The following ANKS1B variants were observed in gnomAD, a reference collection of about 807,000 sequenced individuals.
ANKS1B encodes the protein ankyrin repeat and sterile alpha motif domain containing 1B.
ANKS1B carries 36 observed loss-of-function variants against 148.3 expected under a neutral mutation model. The ratio of observed to expected loss-of-function variants is 0.24; its 90% CI spans 0.19 to 0.32. The LOEUF is 0.32. Among genes scored for constraint, ANKS1B ranks in the 10% least tolerant of loss-of-function variants. ANKS1B has a pLI of 1.00. For synonymous variants in ANKS1B, 542 were observed against 560.8 expected, an observed-to-expected ratio of 0.97 and a Z score of 0.47; for missense variants, 1,157 against 1,542.6, an observed-to-expected ratio of 0.75 and a Z score of 4.19.
chr12:98,939,207 T>C (rs2099830272), intron 17 of ANKS1B, among the ~76,000 whole-genome samples: 1 of 152,236 alleles, frequency 6.6e-6, no homozygotes, highest in African/African-American at 2.4e-5. Flanking sequence ...TTAGTGCGTA[T>C]GTTGTCAACA....
chr12:98,908,873 T>G (rs993666827), intron 17 of ANKS1B, among the ~76,000 whole-genome samples: 12 of 152,324 alleles, frequency 7.9e-5, no homozygotes, highest in African/African-American at 2.9e-4. Context: ...AAACAAATTG[T>G]TTGGTTGGGT....
chr12:99,448,026 TAGAG>T (rs762636038), intron 10 of ANKS1B, among the ~76,000 whole-genome samples: 39 of 152,184 alleles, frequency 2.6e-4, no homozygotes, highest in Non-Finnish European at 4.0e-4. Flanking sequence ...GTACAGCCAT[TAGAG>T]AGAATAGTAT....
chr12:98,807,977 G>C, intron 19 of ANKS1B, 59 bp from the exon 20 acceptor site: 1 of 1,333,254 alleles, frequency 7.5e-7, no homozygotes, highest in Non-Finnish European at 1.1e-6. Context: ...CAGCTACCAA[G>C]GTAGCATCCA....
At chr12:99,717,106 A>C (rs796514829) in intron 8 of ANKS1B, among the ~76,000 whole-genome samples, 10 of 152,260 alleles carry the variant, frequency 6.6e-5, no homozygotes, top group African/African-American at 2.4e-4. Flanking sequence ...AGCCCAGTTC[A>C]TGGCTCGTTT....
chr12:99,275,241 AAATT>A (rs1438587392), intron 12 of ANKS1B, among the ~76,000 whole-genome samples: 2 of 152,186 alleles, frequency 1.3e-5, no homozygotes, highest in East Asian at 3.8e-4. Context: ...AATGTACGAT[AAATT>A]AATGTTGACT....
intron 19 of ANKS1B, among the ~76,000 whole-genome samples, chr12:98,825,941 C>T (rs1222077293): frequency 6.6e-6 from 1 of 152,174 alleles, no homozygotes; most frequent in Non-Finnish European, 1.5e-5. Flanking sequence ...AATGAGATAA[C>T]AGATGTCAAA....
chr12:99,611,530 A>T (rs1280882405), intron 9 of ANKS1B, among the ~76,000 whole-genome samples: 2 of 152,100 alleles, frequency 1.3e-5, no homozygotes, highest in Non-Finnish European at 2.9e-5. Flanking sequence ...AAAACACTGA[A>T]TCTGATAGCA....
chr12:99,211,242 C>T (rs2083303589), intron 14 of ANKS1B, among the ~76,000 whole-genome samples: 2 of 152,124 alleles, frequency 1.3e-5, no homozygotes, highest in Admixed American at 6.5e-5. Flanking sequence ...GCCCAACAGA[C>T]CCAATTAAAA....
chr12:99,805,393 G>A (rs1181067312), intron 4 of ANKS1B, among the ~76,000 whole-genome samples: 1 of 151,900 alleles, frequency 6.6e-6, no homozygotes, highest in African/African-American at 2.4e-5. Context: ...GGATGCCAAG[G>A]TGGAAGGATT....
At chr12:99,297,656 T>C (rs541434636) in intron 12 of ANKS1B, among the ~76,000 whole-genome samples, 1 of 152,288 alleles carries the variant, frequency 6.6e-6, no homozygotes, top group Admixed American at 6.5e-5. Context: ...TTTTTTTCCC[T>C]GATTTTGTTC....
At chr12:99,198,991 G>A (rs149237410) in intron 14 of ANKS1B, among the ~76,000 whole-genome samples, 2 of 152,264 alleles carry the variant, frequency 1.3e-5, no homozygotes, top group Non-Finnish European at 1.5e-5. Context: ...ACACTCGAGC[G>A]GTCCTGTGGA....
chr12:99,566,321 C>T (rs924510235), intron 9 of ANKS1B, among the ~76,000 whole-genome samples: 3 of 152,146 alleles, frequency 2.0e-5, no homozygotes, highest in Non-Finnish European at 4.4e-5. Context: ...GTTCATTGCC[C>T]ACAAGTTCTT....
intron 1 of ANKS1B, among the ~76,000 whole-genome samples, chr12:99,875,413 C>A (rs1178081336): frequency 6.6e-6 from 1 of 150,964 alleles, no homozygotes. Flanking sequence ...AAAATTGTGC[C>A]CCAAATCATT....
At chr12:99,871,557 T>C (rs2091521603) in intron 1 of ANKS1B, among the ~76,000 whole-genome samples, 1 of 152,208 alleles carries the variant, frequency 6.6e-6, no homozygotes, top group Non-Finnish European at 1.5e-5. Context: ...GGAATTTTTT[T>C]CCAATGTTTG....
rs200893712 is a variant in ANKS1B, at chr12:99,847,062, A to AG, written c.135-21674dup. Among the ~76,000 whole-genome samples the AG allele has an allele frequency of 8.6e-3, 1,303 of 152,148 alleles. 18 individuals are homozygous for AG. The highest frequency in any genetic ancestry group is 0.03 in the South Asian group (146 of 4,818). ...TGGCACGCTAAGTACTTTGAACTGA[A>AG]GGACAGTGGCAGGGCCTCAGAAGCA... is the stretch of plus-strand genomic sequence containing the variant. On this transcript the variant is annotated intron_variant, in intron 1 of 26. Coordinates refer to ENST00000683438, the MANE Select transcript of ANKS1B (RefSeq NM_001352186.2).
intron 14 of ANKS1B, chr12:99,155,192 T>C: frequency 1.6e-6 from 2 of 1,249,348 alleles, no homozygotes; most frequent in Non-Finnish European, 2.1e-6. Context: ...CCTTTCTCCT[T>C]TTCCTTTCTT....
chr12:99,179,300 G>A (rs895297444), intron 14 of ANKS1B, among the ~76,000 whole-genome samples: 18 of 151,758 alleles, frequency 1.2e-4, no homozygotes, highest in Admixed American at 1.2e-3. Flanking sequence ...GTGGTGGCGG[G>A]TGCCTGTAGT....
chr12:99,051,017 C>T (rs2099965694), intron 17 of ANKS1B, among the ~76,000 whole-genome samples: 1 of 152,084 alleles, frequency 6.6e-6, no homozygotes, highest in Admixed American at 6.5e-5. Context: ...AATTTTCTGT[C>T]TCAAGTCAAG....
intron 9 of ANKS1B, among the ~76,000 whole-genome samples, chr12:99,556,421 G>A (rs2153185300): frequency 6.6e-6 from 1 of 151,988 alleles, no homozygotes; most frequent in Non-Finnish European, 1.5e-5. Context: ...GGGGAGCATG[G>A]CTTTTCATGT....
Sources: gnomAD v4.1 joint callset for allele counts (sites outside exome capture counted in the v4.1 genomes callset) on GRCh38, gnomAD v4.1.1 for gene constraint, MANE v1.5 for transcripts, NCBI Gene and HGNC (gene_info 2026-07-23, HGNC 2026-07-21) for gene names.